MERTK: variants seen among roughly 807,000 people sequenced by gnomAD.
The protein encoded by MERTK is MER proto-oncogene, tyrosine kinase.
MERTK carries 69 observed loss-of-function variants against 99.3 expected under a neutral mutation model. The ratio of observed to expected loss-of-function variants is 0.70; its 90% CI spans 0.57 to 0.85. MERTK has a LOEUF of 0.85. MERTK is among the 40% of genes least tolerant of loss of function. The pLI, the probability that MERTK is intolerant of heterozygous loss-of-function variation, is 0.00. For synonymous variants in MERTK, 426 were observed against 467.6 expected, an observed-to-expected ratio of 0.91 and a Z score of 1.15; for missense variants, 1,125 against 1,249.4, an observed-to-expected ratio of 0.90 and a Z score of 1.50.
At chr2:112,019,071 CCCT>C (rs1376700421) in intron 15 of MERTK, among the ~76,000 whole-genome samples, 3 of 151,518 alleles carry the variant, frequency 2.0e-5, no homozygotes, top group Non-Finnish European at 2.9e-5. Context: ...CTGTCCCTTT[CCCT>C]CCTCTGTGCA....
chr2:111,940,234 G>A (rs990742239), intron 2 of MERTK: 15 of 258,174 alleles, frequency 5.8e-5, no homozygotes, highest in Non-Finnish European at 9.6e-5. Flanking sequence ...CAAACATGCC[G>A]GAAGTATACA....
chr2:111,941,467 C>G (rs540774079), intron 2 of MERTK, among the ~76,000 whole-genome samples: 2 of 152,186 alleles, frequency 1.3e-5, no homozygotes, highest in South Asian at 2.1e-4. Flanking sequence ...GAACTTCCCC[C>G]CTTCCGCATC....
intron 4 of MERTK, among the ~76,000 whole-genome samples, chr2:111,959,250 C>G (rs945827379): frequency 1.3e-5 from 2 of 152,136 alleles, no homozygotes; most frequent in Non-Finnish European, 2.9e-5. Flanking sequence ...TGTCTCCATC[C>G]TCATCCTATA....
chr2:111,982,385 CTTTCTT>C (rs1333607763), intron 7 of MERTK, among the ~76,000 whole-genome samples: 1 of 151,924 alleles, frequency 6.6e-6, no homozygotes, highest in Non-Finnish European at 1.5e-5. Flanking sequence ...TTCTCTTTCT[CTTTCTT>C]TCCTTCTTTT....
At chr2:111,944,533 A>ATTCCTTAAAATAATTCCTTT in intron 2 of MERTK, among the ~76,000 whole-genome samples, 1 of 151,258 alleles carries the variant, frequency 6.6e-6, no homozygotes, top group African/African-American at 2.4e-5. Context: ...TTAAGGAATT[A>ATTCCTTAAAATAATTCCTTT]GCTCACACAC....
chr2:111,994,257 C>A lies in MERTK; in HGVS notation c.1303C>A (p.Leu435Ile), dbSNP rs765755284. ...VWQSAGISKE[L>I]LEEVGQNGSR... Reference sequence around the variant, plus strand: ...TCTTCCTCTCTGTCTCCAGAAAGAGCTCTTGGAGGAAGTTGGCCAGAATGG... The same window carrying A: ...TCTTCCTCTCTGTCTCCAGAAAGAGATCTTGGAGGAAGTTGGCCAGAATGG... Residue 435 changes from leucine to isoleucine, a missense_variant, in exon 9 of 19, where the codon CTC (leucine) becomes ATC (isoleucine). Coordinates refer to ENST00000295408, the MANE Select transcript of MERTK (RefSeq NM_006343.3). The A allele has an allele frequency of 1.2e-6, 2 of 1,613,834 alleles. No individual in the cohort carries two copies.
chr2:111,925,873 C>T (rs979350086), intron 1 of MERTK, among the ~76,000 whole-genome samples: 1 of 151,522 alleles, frequency 6.6e-6, no homozygotes, highest in Admixed American at 6.6e-5. Flanking sequence ...CGCTCTGTCC[C>T]CCAGGCTAGA....
intron 6 of MERTK, among the ~76,000 whole-genome samples, chr2:111,972,955 C>T (rs775255755): frequency 1.3e-5 from 2 of 152,140 alleles, no homozygotes; most frequent in East Asian, 1.9e-4. Flanking sequence ...AACTCTGACT[C>T]GGGACCAAAT....
intron 15 of MERTK, among the ~76,000 whole-genome samples, chr2:112,019,113 A>G (rs2104421266): frequency 6.6e-6 from 1 of 152,232 alleles, no homozygotes; most frequent in Middle Eastern, 3.4e-3. Context: ...ACTCTGAAGG[A>G]TACACGGAAG....
At position 112,029,166 on chromosome 2, in the gene MERTK, A is replaced by G; in HGVS notation, c.*302A>G. The G allele has an allele frequency of 2.8e-6, 3 of 1,061,200 alleles. No individual in the cohort carries two copies. The highest frequency in any genetic ancestry group is 1.7e-5 in the African/African-American group (1 of 59,522). 65.7% of individuals were successfully genotyped at this position (1,061,200 alleles called of 1,614,324 possible). A position where few individuals can be genotyped will look rare whatever the true frequency, so the allele number is the denominator to read the frequency against. ...GCTTCAGCTGCTCCTTGATATTAAC[A>G]TTTGTACAGAGTTGAAGTTGTTTTT... On this transcript the variant is annotated 3_prime_UTR_variant, in exon 19 of 19. Coordinates refer to ENST00000295408, the MANE Select transcript of MERTK (RefSeq NM_006343.3).
At chr2:111,898,960 C>T (rs1683984104) in intron 1 of MERTK, among the ~76,000 whole-genome samples, 164 bp downstream of exon 1, 1 of 152,208 alleles carries the variant, frequency 6.6e-6, no homozygotes, top group African/African-American at 2.4e-5. Context: ...GTAGGCGAAC[C>T]TACCGTCCAC....
intron 6 of MERTK, among the ~76,000 whole-genome samples, chr2:111,971,615 C>A (rs1018928113): frequency 3.3e-5 from 5 of 152,098 alleles, no homozygotes; most frequent in Non-Finnish European, 5.9e-5. Flanking sequence ...ATGAATTTCC[C>A]AAATTTTCTT....
intron 8 of MERTK, among the ~76,000 whole-genome samples, chr2:111,989,365 T>C (rs1435975887): frequency 6.6e-6 from 1 of 151,508 alleles, no homozygotes; most frequent in Non-Finnish European, 1.5e-5. Context: ...GAATTCTTTT[T>C]TTTTTTTTTC....
At chr2:112,004,517 C>T (rs1676941457) in intron 13 of MERTK, among the ~76,000 whole-genome samples, 2 of 152,200 alleles carry the variant, frequency 1.3e-5, no homozygotes, top group Non-Finnish European at 1.5e-5. Flanking sequence ...TAAGCTAGAA[C>T]TTCCAAGCAA....
At chr2:111,976,120 G>A (rs66477683) in intron 7 of MERTK, among the ~76,000 whole-genome samples, 93,990 of 152,022 alleles carry the variant, frequency 0.62, 29,432 homozygotes, top group Middle Eastern at 0.69. Context: ...ATATTACAAA[G>A]GATACAAATG....
At chr2:111,901,649 G>A (rs1357049333) in intron 1 of MERTK, among the ~76,000 whole-genome samples, 2 of 142,690 alleles carry the variant, frequency 1.4e-5, no homozygotes, top group African/African-American at 5.3e-5. Flanking sequence ...TCAACCTTCC[G>A]GGCTCAAGTG....
chr2:111,939,783 C>T (rs1684829254), intron 2 of MERTK, among the ~76,000 whole-genome samples: 1 of 148,024 alleles, frequency 6.8e-6, no homozygotes, highest in Non-Finnish European at 1.5e-5. Context: ...GGAGTGCAGG[C>T]ATGAGCCACT....
chr2:112,005,066 ACTTT>A (rs1166440293), intron 13 of MERTK, among the ~76,000 whole-genome samples: 2 of 151,626 alleles, frequency 1.3e-5, no homozygotes, highest in African/African-American at 2.4e-5. Context: ...CCTCTCAAAT[ACTTT>A]CTTTTTTTTT....
Position 112,029,251 on chromosome 2 carries a change from A to T in MERTK, c.*387A>T. The stretch of plus-strand genomic sequence containing the variant: ...AAAAATATTTGTAAAATGAAATGCC[A>T]TATTTGACTTGGCTTCTGGTCTTGA... On this transcript the variant is annotated 3_prime_UTR_variant, in exon 19 of 19. Coordinates refer to ENST00000295408, the MANE Select transcript of MERTK (RefSeq NM_006343.3). 1.0e-6 allele frequency: 1 copy of T among 986,898 alleles called. No homozygotes were observed. The highest frequency in any genetic ancestry group is 1.2e-6 in the Non-Finnish European group (1 of 825,250). 61.1% of individuals were successfully genotyped at this position (986,898 alleles called of 1,614,324 possible). A position where few individuals can be genotyped will look rare whatever the true frequency, so the allele number is the denominator to read the frequency against.
Sources: gnomAD v4.1 joint callset for allele counts (sites outside exome capture counted in the v4.1 genomes callset) on GRCh38, gnomAD v4.1.1 for gene constraint, MANE v1.5 for transcripts, NCBI Gene and HGNC (gene_info 2026-07-23, HGNC 2026-07-21) for gene names.